The following DMD variants were observed in gnomAD, a reference collection of about 807,000 sequenced individuals.
DMD encodes the protein mutant dystrophin.
A neutral mutation model predicts 330.1 loss-of-function variants in DMD; 63 were observed. The observed-to-expected ratio is 0.19, with a 90% CI of 0.16 to 0.24. The LOEUF is 0.24. DMD is among the 10% of genes least tolerant of loss of function. DMD has a pLI of 1.00. For synonymous variants in DMD, 1,223 were observed against 959.8 expected, an observed-to-expected ratio of 1.27 and a Z score of -5.07; for missense variants, 3,344 against 2,684.1, an observed-to-expected ratio of 1.25 and a Z score of -5.43.
rs1326410773 is a variant in DMD, at chrX:31,120,200, A to AAAG, written c.*1716_*1718dup. The AAAG allele has an allele frequency of 8.9e-6, 1 of 112,380 alleles. No homozygotes were observed. The highest frequency in any genetic ancestry group is 1.9e-5 in the Non-Finnish European group (1 of 53,146). The allele number at this position is 112,380 out of a possible 1,213,427, so 9.3% of individuals were successfully genotyped here. A position where few individuals can be genotyped will look rare whatever the true frequency, so the allele number is the denominator to read the frequency against. Reference sequence around the variant, plus strand: ...AATCAAAAAGAAATAAAATGGCATGAAAGAGTAAAGCTTTTTCCTACCAGT... The same window carrying AAAG: ...AATCAAAAAGAAATAAAATGGCATGAAAGAAGAGTAAAGCTTTTTCCTACCAGT... On this transcript the variant is annotated 3_prime_UTR_variant, in exon 79 of 79. Coordinates refer to ENST00000357033, the MANE Select transcript of DMD (RefSeq NM_004006.3).
intron 47 of DMD, among the ~76,000 whole-genome samples, chrX:31,881,629 C>T (rs967397174): frequency 4.5e-5 from 5 of 111,387 alleles, no homozygotes; most frequent in Non-Finnish European, 5.7e-5. Context: ...TGTATTTTTA[C>T]GGTACATTTT....
At chrX:31,440,380 C>T (rs1480978935) in intron 60 of DMD, among the ~76,000 whole-genome samples, 1 of 111,073 alleles carries the variant, frequency 9.0e-6, no homozygotes, top group Non-Finnish European at 1.9e-5. Context: ...AACTCCTGAT[C>T]TCAAGTGATC....
At chrX:32,973,269 G>A (rs191455143) in intron 2 of DMD, among the ~76,000 whole-genome samples, 296 of 112,133 alleles carry the variant, frequency 2.6e-3, no homozygotes, top group African/African-American at 8.4e-3. Context: ...CTTTTAAGAC[G>A]TAAAGCTTCA....
chrX:32,768,557 A>T (rs963862341), intron 7 of DMD, among the ~76,000 whole-genome samples: 9 of 112,132 alleles, frequency 8.0e-5, no homozygotes, highest in Admixed American at 9.5e-5. Context: ...AAATTTATTT[A>T]AATCAACAAA....
chrX:31,559,640 C>CA (rs1167550498), intron 55 of DMD, among the ~76,000 whole-genome samples: 784 of 21,185 alleles, frequency 0.037, 66 homozygotes, highest in Non-Finnish European at 0.044. Flanking sequence ...AACTCCGTCT[C>CA]AAAAAAAAAA....
At chrX:33,163,546 A>ATG (rs1200049858) in intron 1 of DMD, among the ~76,000 whole-genome samples, 17 of 97,546 alleles carry the variant, frequency 1.7e-4, no homozygotes, top group South Asian at 9.1e-4. Context: ...AAAAATATAT[A>ATG]TGTGTGTATA....
At chrX:31,234,641 A>C (rs1003602199) in intron 63 of DMD, among the ~76,000 whole-genome samples, 2 of 112,158 alleles carry the variant, frequency 1.8e-5, no homozygotes, top group Non-Finnish European at 3.8e-5. Context: ...GGAAAACAAA[A>C]AGATTATTCA....
rs756516939 is a variant in DMD, at chrX:32,364,981, A to T, written c.5025+39T>A. On this transcript the variant is annotated intron_variant, in intron 35 of 78. Coordinates refer to ENST00000357033, the MANE Select transcript of DMD (RefSeq NM_004006.3). ...GTCACTTATGTATCTTTTTCTCGTGACAGAGAAGGGTGTAAAAGCTTCTAG... is the reference window on the plus strand; with the variant it reads ...GTCACTTATGTATCTTTTTCTCGTGTCAGAGAAGGGTGTAAAAGCTTCTAG... The T allele has an allele frequency of 1.4e-5, 17 of 1,195,779 alleles. No homozygotes were observed. In the Admixed American group the frequency reaches 3.7e-4, roughly 26 times the overall value.
chrX:33,109,114 C>G (rs888348504), intron 1 of DMD, among the ~76,000 whole-genome samples: 2 of 109,440 alleles, frequency 1.8e-5, no homozygotes, highest in African/African-American at 6.6e-5. Context: ...ATTAAGTTCC[C>G]TAGATCAACC....
intron 67 of DMD, among the ~76,000 whole-genome samples, chrX:31,193,498 T>C (rs747972732): frequency 8.9e-6 from 1 of 112,076 alleles, no homozygotes; most frequent in Non-Finnish European, 1.9e-5. Flanking sequence ...GAAAGTATGG[T>C]AGAATTAGAA....
intron 42 of DMD, among the ~76,000 whole-genome samples, chrX:32,298,422 T>C (rs1480439468): frequency 9.0e-6 from 1 of 110,561 alleles, no homozygotes; most frequent in African/African-American, 3.3e-5. Context: ...AACTATAGTG[T>C]AGAAAACTGC....
chrX:32,939,203 T>C (rs760685350), intron 2 of DMD, among the ~76,000 whole-genome samples: 56 of 106,867 alleles, frequency 5.2e-4, no homozygotes, highest in African/African-American at 1.8e-3. Flanking sequence ...TATATGTGTA[T>C]ATATATATAT....
At chrX:33,145,061 T>C (rs930853556) in intron 1 of DMD, among the ~76,000 whole-genome samples, 6 of 112,105 alleles carry the variant, frequency 5.4e-5, no homozygotes, top group African/African-American at 1.3e-4. Flanking sequence ...AACAGCAATA[T>C]TTTTTATATA....
intron 67 of DMD, among the ~76,000 whole-genome samples, chrX:31,195,765 A>G (rs2042814396): frequency 9.4e-6 from 1 of 106,356 alleles, no homozygotes; most frequent in Non-Finnish European, 1.9e-5. Context: ...AGAGAGAACG[A>G]AAGAAAAGAG....
At chrX:33,125,023 TAAAAAAAA>T (rs59232009) in intron 1 of DMD, among the ~76,000 whole-genome samples, 618 of 27,895 alleles carry the variant, frequency 0.022, 5 homozygotes, top group East Asian at 0.063. Context: ...AAAGTCCATC[TAAAAAAAA>T]AAAAAAAAAA....
chrX:31,814,775 T>A (rs1296652355), intron 50 of DMD, among the ~76,000 whole-genome samples: 1 of 111,934 alleles, frequency 8.9e-6, no homozygotes, highest in Non-Finnish European at 1.9e-5. Context: ...CCATCTGCCA[T>A]GCAAGCCTTC....
chrX:31,885,861 T>C (rs1315764052), intron 47 of DMD, among the ~76,000 whole-genome samples: 2 of 110,678 alleles, frequency 1.8e-5, no homozygotes, highest in Admixed American at 1.9e-4. Context: ...ACATTACTGT[T>C]TGCCATTTGT....
chrX:32,620,084 A>G (rs1051349545), intron 11 of DMD, among the ~76,000 whole-genome samples: 6 of 112,180 alleles, frequency 5.3e-5, no homozygotes, highest in African/African-American at 1.9e-4. Flanking sequence ...TCTAGACTTC[A>G]TCCTCTTTGA....
At position 31,284,233 on chromosome X, in the gene DMD, TA is replaced by T. The variant is rs373260921; in HGVS notation, c.9225-23218del. 9.3e-3 allele frequency among the ~76,000 whole-genome samples: 1,043 copies of T among 111,673 alleles called. 12 individuals are homozygous for T. Among genetic ancestry groups the T allele is most frequent in the African/African-American group, 0.032 (979 of 30,668 alleles). On this transcript the variant is annotated intron_variant, in intron 62 of 78. Coordinates refer to ENST00000357033, the MANE Select transcript of DMD (RefSeq NM_004006.3). ...GTATCACTTTTGCAGCATTATCAAG[TA>T]AAAAAATCCTAAATCCAACCATTGT...
Sources: gnomAD v4.1 joint callset for allele counts (sites outside exome capture counted in the v4.1 genomes callset) on GRCh38, gnomAD v4.1.1 for gene constraint, MANE v1.5 for transcripts, NCBI Gene and HGNC (gene_info 2026-07-23, HGNC 2026-07-21) for gene names.